The following RAI14 variants were observed in gnomAD, a reference collection of about 807,000 sequenced individuals.
RAI14 encodes the protein ankycorbin.
RAI14 carries 45 observed loss-of-function variants against 115.4 expected under a neutral mutation model. That is an observed-to-expected ratio of 0.39 (90% CI 0.31 to 0.50). The LOEUF (loss-of-function observed/expected upper bound fraction) is 0.50, where lower values mean the gene tolerates loss of function less well. RAI14 is among the 20% of genes least tolerant of loss of function. The probability of loss-of-function intolerance (pLI) is 0.85; values close to 1 mark genes in which losing one functional copy is unlikely to be tolerated. For synonymous variants in RAI14, 371 were observed against 415.4 expected, an observed-to-expected ratio of 0.89 and a Z score of 1.30; for missense variants, 939 against 1,131.2, an observed-to-expected ratio of 0.83 and a Z score of 2.44.
rs542017855 is a variant in RAI14 at position 34,773,163 on chromosome 5, T to C, written c.167+15565T>C. Among the ~76,000 whole-genome samples, 32 of 152,278 alleles carry C rather than the reference T, an allele frequency of 2.1e-4. 1 individual carries two copies. In the South Asian group the frequency reaches 6.4e-3, roughly 31 times the overall value. On this transcript the variant is annotated intron_variant, in intron 3 of 17. Coordinates refer to ENST00000265109, the MANE Select transcript of RAI14 (RefSeq NM_015577.3). The stretch of plus-strand genomic sequence containing the variant: ...TGGGTGCCTTGGCAAAAAACGATGG[T>C]GTGACCCTCTTCAATAAATAGTGTG...
At chr5:34,689,039 A>T (rs1738228291) in intron 2 of RAI14, among the ~76,000 whole-genome samples, 1 of 152,164 alleles carries the variant, frequency 6.6e-6, no homozygotes. Context: ...CAGTTTTTGC[A>T]CTAAGGCAGT....
Position 34,664,984 on chromosome 5 carries a change from C to CAT in RAI14, c.-49+8524_-49+8525dup, listed in dbSNP as rs1331631402. 1.8e-3 allele frequency among the ~76,000 whole-genome samples: 149 copies of CAT among 83,364 alleles called. 11 individuals are homozygous for CAT. Among genetic ancestry groups the CAT allele is most frequent in the Middle Eastern group, 0.014 (2 of 142 alleles). The allele number at this position is 83,364 out of a possible 152,430, so 54.7% of individuals were successfully genotyped here. On this transcript the variant is annotated intron_variant, in intron 1 of 17. Coordinates refer to ENST00000265109, the MANE Select transcript of RAI14 (RefSeq NM_015577.3). ...CTTTTTATGGCTAAGTAGTATCCAT[C>CAT]ATATATATATATATATGTGTATATA...
At position 34,764,570 on chromosome 5, in the gene RAI14, T is replaced by TCTCA. The variant is rs1554054172; in HGVS notation, c.167+6973_167+6974insTCAC. On this transcript the variant is annotated intron_variant, in intron 3 of 17. Coordinates refer to ENST00000265109, the MANE Select transcript of RAI14 (RefSeq NM_015577.3). ...CTCTCTCTCTCTCTCTCTCTCTCTC[T>TCTCA]CACACACAAATACATCCCTGTATAC... Among the ~76,000 whole-genome samples the TCTCA allele has an allele frequency of 1.1e-4, 16 of 150,346 alleles. No individual in the cohort carries two copies. The East Asian group carries it at 2.4e-3, about 22-fold the overall frequency.
chr5:34,736,789 A>G (rs901171236), intron 2 of RAI14, among the ~76,000 whole-genome samples: 1 of 152,344 alleles, frequency 6.6e-6, no homozygotes, highest in East Asian at 1.9e-4. Flanking sequence ...CTTTGTAAGA[A>G]TGATCTTTTC....
At chr5:34,737,836 T>C (rs1296533533) in intron 2 of RAI14, among the ~76,000 whole-genome samples, 4 of 152,222 alleles carry the variant, frequency 2.6e-5, no homozygotes, top group African/African-American at 9.6e-5. Context: ...TTCCAACACA[T>C]TTTAAATTTG....
chr5:34,806,660 T>C (rs1027502030), intron 5 of RAI14, among the ~76,000 whole-genome samples: 2 of 152,042 alleles, frequency 1.3e-5, no homozygotes, highest in African/African-American at 4.8e-5. Context: ...GAATCGCTGG[T>C]TTCTGGCTCA....
intron 4 of RAI14, among the ~76,000 whole-genome samples, chr5:34,799,022 G>GA: frequency 6.6e-6 from 1 of 152,296 alleles, no homozygotes. Flanking sequence ...TTCTTCCCAT[G>GA]ATTTCTTGAA....
At position 34,823,537 on chromosome 5, in the gene RAI14, A is replaced by G. The variant is rs779585635; in HGVS notation, c.1695A>G (p.Lys565=). ...AGGAAAAACTGGTAGAGAGGGAGAA[A>G]GGTACAGTGATTAAGCCACCTGTGG... ...ELEEKLVERE[K]GTVIKPPVEE... is the part of the protein sequence containing the mutation. The change falls in exon 15 of 18, where the codon AAA becomes AAG. Residue 565 remains lysine, a synonymous_variant. Transcript: ENST00000265109. The surrounding 1 kb of genome is among the most constrained non-coding windows in gnomAD (Gnocchi z 4.5). 4 of 1,614,196 alleles carry G rather than the reference A, an allele frequency of 2.5e-6. No homozygotes were observed. The highest frequency in any genetic ancestry group is 3.4e-6 in the Non-Finnish European group (4 of 1,180,022).
intron 17 of RAI14, among the ~76,000 whole-genome samples, chr5:34,830,069 T>A (rs1300684887): frequency 1.3e-5 from 2 of 152,104 alleles, no homozygotes; most frequent in Non-Finnish European, 2.9e-5. Flanking sequence ...CACTGCAGCC[T>A]CGACCCACGG....
At chr5:34,696,661 G>T (rs760609017) in intron 2 of RAI14, among the ~76,000 whole-genome samples, 1 of 152,190 alleles carries the variant, frequency 6.6e-6, no homozygotes, top group African/African-American at 2.4e-5. Flanking sequence ...TTTGAGACTT[G>T]GATGATAAAG....
At position 34,730,610 on chromosome 5, in the gene RAI14, A is replaced by T. The variant is rs1285834490; in HGVS notation, c.37-26858A>T. On this transcript the variant is annotated intron_variant, in intron 2 of 17. Coordinates refer to ENST00000265109, the MANE Select transcript of RAI14 (RefSeq NM_015577.3). ...AGAATCACTTGAACCCGGGAGGCAG[A>T]GGTTGCAATGAGCCAAGATCCTGCC... Among the ~76,000 whole-genome samples the T allele has an allele frequency of 2.0e-5, 3 of 152,176 alleles. No individual in the cohort carries two copies. The East Asian group carries it at 5.8e-4, about 29-fold the overall frequency.
chr5:34,827,617 G>A lies in RAI14; in HGVS notation c.2799+1138G>A, dbSNP rs539638705. 6.6e-6 allele frequency among the ~76,000 whole-genome samples: 1 copy of A among 152,176 alleles called. No homozygotes were observed. Among genetic ancestry groups the A allele is most frequent in the Non-Finnish European group, 1.5e-5 (1 of 68,038 alleles). On this transcript the variant is annotated intron_variant, in intron 16 of 17. Coordinates refer to ENST00000265109, the MANE Select transcript of RAI14 (RefSeq NM_015577.3). This position sits in a 1 kb window ranked among gnomAD's most constrained non-coding sequence, Gnocchi z 4.2. Reference sequence around the variant, plus strand: ...GCCACAAAGTTCAATGCTAGCTTTGGAGGAAACAGCTCTAGAAATGGTGGA... The same window carrying A: ...GCCACAAAGTTCAATGCTAGCTTTGAAGGAAACAGCTCTAGAAATGGTGGA...
intron 4 of RAI14, among the ~76,000 whole-genome samples, chr5:34,799,248 C>T (rs182614135): frequency 5.3e-5 from 8 of 152,278 alleles, no homozygotes; most frequent in African/African-American, 1.4e-4. Context: ...GATGAGGTTA[C>T]GTTAGTAACA....
chr5:34,769,002 G>A (rs1749795823), intron 3 of RAI14, among the ~76,000 whole-genome samples: 1 of 150,370 alleles, frequency 6.7e-6, no homozygotes, highest in East Asian at 1.9e-4. Flanking sequence ...AAAAAAAAAA[G>A]GATGAGGGGT....
chr5:34,803,811 C>G (rs752224085), intron 5 of RAI14, 35 bp downstream of exon 5: 51 of 1,567,294 alleles, frequency 3.3e-5, no homozygotes, highest in Non-Finnish European at 4.4e-6. Flanking sequence ...ATAAATGTGT[C>G]GGTTTTACAA....
At chr5:34,688,106 GACAAA>G in intron 2 of RAI14, 2 of 343,460 alleles carry the variant, frequency 5.8e-6, no homozygotes, top group Non-Finnish European at 4.6e-6. Flanking sequence ...AAGAGACTTC[GACAAA>G]GACAGAAAAC....
At chr5:34,684,104 G>A (rs1347036774) in intron 1 of RAI14, among the ~76,000 whole-genome samples, 1 of 152,162 alleles carries the variant, frequency 6.6e-6, no homozygotes, top group Non-Finnish European at 1.5e-5. Context: ...GACAGTTGGG[G>A]AATATCTGTT....
chr5:34,696,188 G>A (rs1739207045), intron 2 of RAI14, among the ~76,000 whole-genome samples: 1 of 151,894 alleles, frequency 6.6e-6, no homozygotes, highest in African/African-American at 2.4e-5. Flanking sequence ...ACCCAGGCTG[G>A]AGTGCAGTGG....
chr5:34,726,570 A>G (rs971914051), intron 2 of RAI14, among the ~76,000 whole-genome samples: 1 of 152,212 alleles, frequency 6.6e-6, no homozygotes, highest in African/African-American at 2.4e-5. Context: ...GGATGGGGAC[A>G]CAGAGCCAAA....
Sources: gnomAD v4.1 joint callset for allele counts (sites outside exome capture counted in the v4.1 genomes callset) on GRCh38, gnomAD v4.1.1 for gene constraint, Gnocchi (gnomAD v3.1) non-coding constraint, MANE v1.5 for transcripts, NCBI Gene and HGNC (gene_info 2026-07-23, HGNC 2026-07-21) for gene names.